Variants in PLEC observed in about 807,000 individuals in gnomAD.
PLEC encodes the protein plectin.
A neutral mutation model predicts 392.8 loss-of-function variants in PLEC; 216 were observed. The ratio of observed to expected loss-of-function variants is 0.55; its 90% confidence interval spans 0.49 to 0.62. The LOEUF (loss-of-function observed/expected upper bound fraction) is 0.62, where lower values mean the gene tolerates loss of function less well. Among genes scored for constraint, PLEC ranks in the 20% least tolerant of loss-of-function variants. The probability of loss-of-function intolerance (pLI) is 0.00; values close to 1 mark genes in which losing one functional copy is unlikely to be tolerated. For synonymous variants in PLEC, 3,621 were observed against 2,980.6 expected, an observed-to-expected ratio of 1.21 and a Z score of -7.00; for missense variants, 6,863 against 6,563.4, an observed-to-expected ratio of 1.05 and a Z score of -1.58.
Position 143,932,197 on chromosome 8 carries a change from A to T in PLEC, c.2015T>A (p.Ile672Asn). ...GTCCCCAGCATTTTGGAGCTCCTTG[A>T]TCTTCTTCTCCTTCAGCTCCAGCTC... ...MRELELKEKK[I>N]KELQNAGDRL... Residue 672 changes from isoleucine to asparagine, a missense_variant, in exon 17 of 32, where the codon ATC (isoleucine) becomes AAC (asparagine). Ile to Asn is a moderately radical substitution (Grantham distance 149, BLOSUM62 -3). Transcript: ENST00000345136. The T allele has an allele frequency of 6.2e-7, 1 of 1,612,212 alleles. No homozygotes were observed. The highest frequency in any genetic ancestry group is 8.5e-7 in the Non-Finnish European group (1 of 1,179,850).
chr8:143,922,134 C>T lies in PLEC; in HGVS notation c.7687G>A (p.Glu2563Lys), dbSNP rs782130041. 1.3e-5 allele frequency: 20 copies of T among 1,540,860 alleles called. No homozygotes were observed. The highest frequency in any genetic ancestry group is 5.4e-5 in the African/African-American group (4 of 73,410). ...TCCTGCTTGCGCCGCACGCCCTCCT[C>T]GGCCTCATGCTGCCGCCGCCGCGCC... ...EEARRRQHEA[E>K]EGVRRKQEEL... is the part of the protein sequence containing the mutation. The change falls in exon 32 of 32, where the codon GAG becomes AAG. Residue 2563 changes from glutamate to lysine, a missense_variant. Coordinates refer to ENST00000345136, the MANE Select transcript of PLEC (RefSeq NM_201384.3).
rs782190295 is a variant in PLEC, at chr8:143,918,291, G to A, written c.11530C>T (p.Arg3844Cys). The A allele has an allele frequency of 1.0e-5, 16 of 1,591,966 alleles. No individual in the cohort carries two copies. Among genetic ancestry groups the A allele is most frequent in the East Asian group, 9.0e-5 (4 of 44,598 alleles). Residue 3844 changes from arginine (R) to cysteine (C), a missense_variant, in exon 32 of 32, where the codon CGC becomes TGC. Arg to Cys is a radical substitution (Grantham distance 180). Transcript: ENST00000345136. ...TCGGTGGACGGGTCCACGTAGCTGC[G>A]CACCTCGCTGGGCTCTGACAGCTGG... ...HDQLSEPSEV[R>C]SYVDPSTDER...
At chr8:143,975,197 C>G (rs782657738), upstream of PLEC, 3 of 1,601,130 alleles carry the variant, frequency 1.9e-6, no homozygotes, top group Non-Finnish European at 8.5e-7. The surrounding 1 kb of genome is among the most constrained non-coding windows in gnomAD (Gnocchi z 9.9). Context: ...AATGACCGCC[C>G]GCTCAGCTGG....
At chr8:143,953,649 C>T (rs1184336281), upstream of PLEC, 4 of 1,489,224 alleles carry the variant, frequency 2.7e-6, no homozygotes, top group East Asian at 2.4e-5. Context: ...TGCCCGCCAC[C>T]CTGCGTGGAC....
upstream of PLEC, among the ~76,000 whole-genome samples, chr8:143,974,009 T>C (rs1266154338): frequency 6.6e-6 from 1 of 152,196 alleles, no homozygotes; most frequent in Non-Finnish European, 1.5e-5. This position sits in a 1 kb window ranked among gnomAD's most constrained non-coding sequence, Gnocchi z 5.9. Flanking sequence ...AAAAAATGCT[T>C]GGTGATAATT....
chr8:143,973,428 G>C lies in PLEC; in HGVS notation c.45C>G (p.Tyr15Ter). 6.5e-7 allele frequency: 1 copy of C among 1,547,618 alleles called. No homozygotes were observed. The highest frequency in any genetic ancestry group is 8.7e-7 in the Non-Finnish European group (1 of 1,147,016). Residue 15 changes from tyrosine to a stop codon, truncating the protein, a stop_gained, in exon 1 of 32, where the codon TAC (tyrosine) becomes TAG (stop). Coordinates refer to the PLEC transcript ENST00000356346. LOFTEE classifies it high-confidence loss of function. The surrounding 1 kb of genome is among the most constrained non-coding windows in gnomAD (Gnocchi z 5.6). ...CTTTGTACTTCTCGCGCACCTCCTC[G>C]TAGGCCTGGATGAAGTCCTGCTCGT...
chr8:143,934,128 G>T, intron 11 of PLEC, 37 bp from the exon 12 acceptor site: 1 of 1,602,440 alleles, frequency 6.2e-7, no homozygotes, highest in Non-Finnish European at 8.5e-7. Context: ...CGCGTTGGCC[G>T]GGTCCGGCAC....
chr8:143,930,951 G>A (rs1251818643), intron 19 of PLEC, among the ~76,000 whole-genome samples: 2 of 152,160 alleles, frequency 1.3e-5, no homozygotes, highest in African/African-American at 4.8e-5. Context: ...CGACCTCAGA[G>A]GCCATTTCAG....
rs3134599 is a variant in PLEC, at chr8:143,927,652, C to A, written c.3514G>T (p.Val1172Leu). 21 of 1,582,976 alleles carry A rather than the reference C, an allele frequency of 1.3e-5. No individual in the cohort carries two copies. The highest frequency in any genetic ancestry group is 1.7e-5 in the Non-Finnish European group (20 of 1,166,570). Residue 1172 changes from valine (V) to leucine (L), a missense_variant, in exon 27 of 32, where the codon GTG (valine) becomes TTG (leucine). By Grantham distance (32) the Val-to-Leu change is conservative. Transcript: ENST00000345136. ...CGCTCCCGCCAGCGCTCCACCTCCA[C>A]GTCCCGCTCCCCGTGCCGCTGCTGC... ...RLQQRHGERD[V>L]EVERWRERVA...
intron 31 of PLEC, 31 bp from the exon 32 acceptor site, chr8:143,922,426 G>T: frequency 6.2e-7 from 1 of 1,600,484 alleles, no homozygotes; most frequent in African/African-American, 1.3e-5. Flanking sequence ...ATCAGGGACC[G>T]CCAGCCCAGG....
In PLEC at chr8:143,922,198, C is replaced by T; in HGVS notation, c.7623G>A (p.Met2541Ile). ...CCACCAGCCGCTGCCGTTCCTGCTC[C>T]ATCTGCTGCTGCTGCCGCTGCTGCT... ...REEQQRQQQQ[M>I]EQERQRLVAS... Residue 2541 changes from methionine (M) to isoleucine (I), a missense_variant, in exon 32 of 32, where the codon ATG becomes ATA. Met to Ile is a conservative substitution (Grantham distance 10, BLOSUM62 1). Coordinates refer to ENST00000345136, the MANE Select transcript of PLEC (RefSeq NM_201384.3). 3 of 1,552,002 alleles carry T rather than the reference C, an allele frequency of 1.9e-6. No homozygotes were observed. Among genetic ancestry groups the T allele is most frequent in the Non-Finnish European group, 2.6e-6 (3 of 1,152,586 alleles).
chr8:143,948,476 C>G (rs782804561), intron 1 of PLEC, among the ~76,000 whole-genome samples: 5 of 152,196 alleles, frequency 3.3e-5, no homozygotes, highest in Non-Finnish European at 5.9e-5. Flanking sequence ...CTGCCACACC[C>G]CACATCCGAG....
rs782210275 is a variant in PLEC, at chr8:143,918,056, G to C, written c.11765C>G (p.Thr3922Ser). 31 of 1,604,840 alleles carry C rather than the reference G, an allele frequency of 1.9e-5. No individual in the cohort carries two copies. Among genetic ancestry groups the C allele is most frequent in the Non-Finnish European group, 2.5e-5 (30 of 1,177,290 alleles). ...TTCCAGGAACTTCTGCAAGTTCTTG[G>C]TGACCTCCTCGATGGAGGTCAGGCC... ...REGLTSIEEV[T>S]KNLQKFLEGT... Residue 3922 changes from threonine to serine, a missense_variant, in exon 32 of 32, where the codon ACC becomes AGC. By Grantham distance (58) the Thr-to-Ser change is moderately conservative. Transcript: ENST00000345136.
intron 1 of PLEC, among the ~76,000 whole-genome samples, chr8:143,963,744 G>A (rs1832964034): frequency 1.3e-5 from 2 of 151,026 alleles, no homozygotes; most frequent in Non-Finnish European, 2.9e-5. Flanking sequence ...CCAGGGTTAA[G>A]CAATCCTCCT....
At chr8:143,954,954 T>G (rs1378883073), upstream of PLEC, among the ~76,000 whole-genome samples, 1 of 152,132 alleles carries the variant, frequency 6.6e-6, no homozygotes, top group Non-Finnish European at 1.5e-5. The surrounding 1 kb of genome is among the most constrained non-coding windows in gnomAD (Gnocchi z 4.6). Context: ...GGGGCTGGCA[T>G]GGAGGACGTG....
chr8:143,932,549 C>A lies in PLEC; in HGVS notation c.1828G>T (p.Ala610Ser), dbSNP rs782696282. Residue 610 changes from alanine (A) to serine (S), a missense_variant, in exon 16 of 32, where the codon GCC becomes TCC. Ala to Ser is a moderately conservative substitution (Grantham distance 99, BLOSUM62 1). Coordinates refer to ENST00000345136, the MANE Select transcript of PLEC (RefSeq NM_201384.3). ...QYAKLLNSSK[A>S]RLRSLESLHS... ...AAGCTCTCCAGGGACCTGAGGCGGG[C>A]CTTGGAGGAGTTCTGTGGGCAGGAG... 1.9e-6 allele frequency: 3 copies of A among 1,612,526 alleles called. No homozygotes were observed. Among genetic ancestry groups the A allele is most frequent in the Middle Eastern group, 1.7e-4 (1 of 6,052 alleles).
Position 143,973,457 on chromosome 8 carries a change from G to A in PLEC, c.16C>T (p.Pro6Ser). ...GCCTGGATGAAGTCCTGCTCGTCGG[G>A]CAGCGGGCCGGCCATGCCGGCGGGC... Residue 6 changes from proline to serine, a missense_variant, in exon 1 of 32, where the codon CCC (proline) becomes TCC (serine). Pro to Ser is a moderately conservative substitution (Grantham distance 74, BLOSUM62 -1). Coordinates refer to the PLEC transcript ENST00000356346. The surrounding 1 kb of genome is among the most constrained non-coding windows in gnomAD (Gnocchi z 5.6). 5 of 1,517,264 alleles carry A rather than the reference G, an allele frequency of 3.3e-6. No homozygotes were observed. Among genetic ancestry groups the A allele is most frequent in the Non-Finnish European group, 4.4e-6 (5 of 1,132,280 alleles). 94.0% of individuals were successfully genotyped at this position (1,517,264 alleles called of 1,614,324 possible).
At position 143,918,849 on chromosome 8, in the gene PLEC, T is replaced by G. The variant is rs781989795; in HGVS notation, c.10972A>C (p.Ile3658Leu). 4.3e-6 allele frequency: 7 copies of G among 1,612,948 alleles called. No homozygotes were observed. The highest frequency in any genetic ancestry group is 5.9e-6 in the Non-Finnish European group (7 of 1,180,000). The change falls in exon 32 of 32, where the codon ATC becomes CTC. Residue 3658 changes from isoleucine to leucine, a missense_variant. By Grantham distance (5) the Ile-to-Leu change is conservative. Coordinates refer to ENST00000345136, the MANE Select transcript of PLEC (RefSeq NM_201384.3). ...TAEDLFEARI[I>L]SLETYNLLRE... ...AGCAGGTTGTAGGTCTCGAGAGAGA[T>G]GATCCGAGCCTCGAACAGGTCCTCA... is the stretch of plus-strand genomic sequence containing the variant.
Position 143,924,742 on chromosome 8 carries a change from C to T in PLEC, c.5187G>A (p.Arg1729=). The stretch of plus-strand genomic sequence containing the variant: ...GGGCCAGCTCCTCCTCCAGCAGCTG[C>T]CGCTGCTGCTCCCCCTGCTCCGTCT... ...RAETEQGEQQ[R]QLLEEELARL... is the part of the protein sequence containing the mutation. The change falls in exon 31 of 32, where the codon CGG becomes CGA. Residue 1729 remains arginine (R), a synonymous_variant. Transcript: ENST00000345136. 2 of 1,534,952 alleles carry T rather than the reference C, an allele frequency of 1.3e-6. No individual in the cohort carries two copies. The highest frequency in any genetic ancestry group is 2.4e-5 in the South Asian group (2 of 84,082).
Sources: allele counts gnomAD v4.1 joint callset (sites outside exome capture counted in the v4.1 genomes callset), GRCh38; gene constraint gnomAD v4.1.1; non-coding constraint Gnocchi (gnomAD v3.1); transcripts MANE v1.5; gene names NCBI Gene and HGNC (gene_info 2026-07-23, HGNC 2026-07-21).